The following LRBA variants were observed in gnomAD, a reference collection of about 807,000 sequenced individuals.
The protein encoded by LRBA is lipopolysaccharide-responsive and beige-like anchor protein.
In LRBA, 176 loss-of-function variants were observed where a neutral mutation model predicts 330.0. That is an observed-to-expected ratio of 0.53 (90% CI 0.47 to 0.60). The LOEUF (loss-of-function observed/expected upper bound fraction) is 0.60. Among genes scored for constraint, LRBA ranks in the 20% least tolerant of loss-of-function variants. The pLI is 0.00. For synonymous variants in LRBA, 1,230 were observed against 1,193.0 expected (o/e 1.03, Z -0.64); for missense variants, 3,259 against 3,444.8 (o/e 0.95, Z 1.35).
At chr4:150,428,451 A>G (rs1183154955) in intron 46 of LRBA, among the ~76,000 whole-genome samples, 2 of 152,060 alleles carry the variant, frequency 1.3e-5, no homozygotes, top group Admixed American at 1.3e-4. Context: ...ATAAAATCTC[A>G]TCCTAAAAAA....
intron 2 of LRBA, among the ~76,000 whole-genome samples, chr4:151,010,513 G>A (rs1744697781): frequency 6.6e-6 from 1 of 151,748 alleles, no homozygotes; most frequent in Admixed American, 6.6e-5. Context: ...TTATAAACAG[G>A]GTAGTAAATT....
At chr4:150,683,353 A>T (rs1169111168) in intron 37 of LRBA, among the ~76,000 whole-genome samples, 198 bp downstream of exon 37, 4 of 152,192 alleles carry the variant, frequency 2.6e-5, no homozygotes, top group African/African-American at 9.7e-5. Flanking sequence ...TGATTGGATA[A>T]ATATGGATCT....
chr4:150,318,320 G>A (rs918232847), intron 50 of LRBA, among the ~76,000 whole-genome samples: 3 of 152,238 alleles, frequency 2.0e-5, no homozygotes, highest in African/African-American at 7.2e-5. Context: ...TCCTTTGAAT[G>A]AGAAGGGAGG....
intron 47 of LRBA, among the ~76,000 whole-genome samples, chr4:150,354,651 C>G (rs1183598582): frequency 6.6e-6 from 1 of 151,772 alleles, no homozygotes; most frequent in Non-Finnish European, 1.5e-5. Flanking sequence ...TCATATGAAG[C>G]CTCACACGAA....
At chr4:150,839,887 A>G (rs1748797338) in intron 28 of LRBA, among the ~76,000 whole-genome samples, 1 of 151,986 alleles carries the variant, frequency 6.6e-6, no homozygotes, top group African/African-American at 2.4e-5. Context: ...AAAGTATTAA[A>G]AAAAAAAAAA....
At chr4:150,972,389 T>C (rs1330623591) in intron 2 of LRBA, among the ~76,000 whole-genome samples, 1 of 151,948 alleles carries the variant, frequency 6.6e-6, no homozygotes, top group Non-Finnish European at 1.5e-5. Flanking sequence ...TAAAATAAAA[T>C]AAAATAGTAC....
chr4:150,318,538 A>C (rs1178150355), intron 50 of LRBA, among the ~76,000 whole-genome samples: 1 of 152,104 alleles, frequency 6.6e-6, no homozygotes, highest in Non-Finnish European at 1.5e-5. Flanking sequence ...AGGCATAGTG[A>C]CAGGTAAAGG....
chr4:150,316,300 T>G (rs1412889259), intron 50 of LRBA, among the ~76,000 whole-genome samples: 3 of 152,158 alleles, frequency 2.0e-5, no homozygotes, highest in African/African-American at 7.2e-5. Flanking sequence ...AAAATCAATC[T>G]ATCCTAAGAA....
chr4:150,589,062 C>CAG (rs753811649), intron 39 of LRBA, among the ~76,000 whole-genome samples: 1 of 151,234 alleles, frequency 6.6e-6, no homozygotes, highest in East Asian at 1.9e-4. Context: ...CACACACACA[C>CAG]ACACACACAC....
intron 37 of LRBA, among the ~76,000 whole-genome samples, chr4:150,632,622 G>A (rs940531288): frequency 1.3e-5 from 2 of 152,064 alleles, no homozygotes; most frequent in African/African-American, 4.8e-5. Context: ...TCCATCCCAT[G>A]GGCTTATCCT....
At chr4:150,833,004 G>C (rs1560884925) in intron 28 of LRBA, among the ~76,000 whole-genome samples, 1 of 151,970 alleles carries the variant, frequency 6.6e-6, no homozygotes, top group Non-Finnish European at 1.5e-5. Context: ...TCGAACTCTT[G>C]GCCTCGAGCA....
intron 34 of LRBA, among the ~76,000 whole-genome samples, chr4:150,788,618 G>T (rs1302092420): frequency 6.6e-6 from 1 of 151,768 alleles, no homozygotes; most frequent in African/African-American, 2.4e-5. Flanking sequence ...AAATTAGCCG[G>T]GCATGATGGC....
At chr4:150,513,057 G>A (rs955344638) in intron 40 of LRBA, among the ~76,000 whole-genome samples, 5 of 152,102 alleles carry the variant, frequency 3.3e-5, no homozygotes, top group Admixed American at 6.6e-5. Flanking sequence ...TGTTAAATAC[G>A]TACAGTCAAT....
chr4:150,634,850 G>A (rs978004252), intron 37 of LRBA, among the ~76,000 whole-genome samples: 5 of 152,168 alleles, frequency 3.3e-5, no homozygotes, highest in African/African-American at 7.2e-5. Flanking sequence ...AACAGAAGCC[G>A]TAGTCTTAAG....
At chr4:150,691,850 TA>T (rs1008864268) in intron 36 of LRBA, among the ~76,000 whole-genome samples, 3 of 152,052 alleles carry the variant, frequency 2.0e-5, no homozygotes, top group Admixed American at 6.6e-5. Flanking sequence ...ACTTAGTATT[TA>T]AAAAAACAAA....
rs1176889686 is a variant in LRBA, at chr4:150,915,596, G to A, written c.1014+12C>T. 6.3e-7 allele frequency: 1 copy of A among 1,591,490 alleles called. No homozygotes were observed. Among genetic ancestry groups the A allele is most frequent in the Non-Finnish European group, 8.5e-7 (1 of 1,172,428 alleles). On this transcript the variant is annotated intron_variant, in intron 8 of 56. Coordinates refer to ENST00000651943, the MANE Select transcript of LRBA (RefSeq NM_001364905.1). ...ATCACTTTTTTCATTGCAACATTTT[G>A]AAACTACTTACATCGCTAGTGTTGA...
intron 35 of LRBA, among the ~76,000 whole-genome samples, chr4:150,755,266 G>A (rs1734139292): frequency 6.6e-6 from 1 of 152,214 alleles, no homozygotes; most frequent in Non-Finnish European, 1.5e-5. Flanking sequence ...TGTCTTTTAT[G>A]TGGGCTATTT....
At chr4:150,717,109 T>C (rs1728300438) in intron 36 of LRBA, among the ~76,000 whole-genome samples, 1 of 152,222 alleles carries the variant, frequency 6.6e-6, no homozygotes, top group Non-Finnish European at 1.5e-5. Context: ...AGCTTCATCA[T>C]ATACTAGCTA....
chr4:150,428,915 C>T (rs1024537864), intron 46 of LRBA, among the ~76,000 whole-genome samples: 7 of 152,052 alleles, frequency 4.6e-5, no homozygotes, highest in African/African-American at 1.7e-4. Flanking sequence ...ATGTCACTTC[C>T]CTTGCTCAGA....
Sources: allele counts gnomAD v4.1 joint callset (sites outside exome capture counted in the v4.1 genomes callset), GRCh38; gene constraint gnomAD v4.1.1; transcripts MANE v1.5; gene names NCBI Gene and HGNC (gene_info 2026-07-23, HGNC 2026-07-21).